The following TMEM132D variants were observed in gnomAD, a reference collection of about 807,000 sequenced individuals.
The protein encoded by TMEM132D is mature OL transmembrane protein.
Under a neutral mutation model 62.3 loss-of-function variants are expected in TMEM132D, and 21 were observed. The observed-to-expected ratio is 0.34, with a 90% CI of 0.24 to 0.49. The LOEUF (loss-of-function observed/expected upper bound fraction) is 0.49. Among genes scored for constraint, TMEM132D ranks in the 20% least tolerant of loss-of-function variants. The pLI is 0.99. For synonymous variants in TMEM132D, 621 were observed against 575.6 expected, an observed-to-expected ratio of 1.08 and a Z score of -1.13; for missense variants, 1,346 against 1,402.8, an observed-to-expected ratio of 0.96 and a Z score of 0.65.
chr12:129,460,602 G>A (rs183833283), intron 3 of TMEM132D, among the ~76,000 whole-genome samples: 16 of 152,258 alleles, frequency 1.1e-4, no homozygotes, highest in Admixed American at 4.6e-4. Flanking sequence ...GTATATAAAT[G>A]AGTTCTAACT....
chr12:129,088,449 C>T lies in TMEM132D; in HGVS notation c.1444-3747G>A, dbSNP rs1318419185. 4.7e-5 allele frequency among the ~76,000 whole-genome samples: 2 copies of T among 42,502 alleles called. 1 individual carries two copies. The highest frequency in any genetic ancestry group is 7.8e-5 in the Non-Finnish European group (2 of 25,750). 27.9% of individuals were successfully genotyped at this position (42,502 alleles called of 152,430 possible). A position where few individuals can be genotyped will look rare whatever the true frequency, so the allele number is the denominator to read the frequency against. On this transcript the variant is annotated intron_variant, in intron 5 of 8. Transcript: ENST00000422113. The stretch of plus-strand genomic sequence containing the variant: ...TCTATGACCGGGTGTCCTCCATGAC[C>T]GGGTGTCCTCCATGACCGGGGTGTC...
chr12:129,525,227 T>G (rs73155243), intron 3 of TMEM132D, among the ~76,000 whole-genome samples: 18,714 of 36,834 alleles, frequency 0.51, 4,326 homozygotes, highest in African/African-American at 0.6. Flanking sequence ...GCCCAGCCGG[T>G]TTTTTTTTTT....
At position 129,738,467 on chromosome 12, in the gene TMEM132D, T is replaced by C. The variant is rs139995162; in HGVS notation, c.80-37769A>G. 5.9e-5 allele frequency among the ~76,000 whole-genome samples: 9 copies of C among 152,266 alleles called. No homozygotes were observed. The East Asian group carries it at 1.7e-3, about 29-fold the overall frequency. On this transcript the variant is annotated intron_variant, in intron 1 of 8. Coordinates refer to ENST00000422113, the MANE Select transcript of TMEM132D (RefSeq NM_133448.3). ...GGCTGGTTGTGTGAATGCAACAACA[T>C]ACAGCAAGTCTTTGATGTGTAGCCT... is the stretch of plus-strand genomic sequence containing the variant.
At position 129,539,328 on chromosome 12, in the gene TMEM132D, C is replaced by A. The variant is rs147856337; in HGVS notation, c.969-8123G>T. The stretch of plus-strand genomic sequence containing the variant: ...CTCACTGCAACCTCTGCATCCCAGG[C>A]TCCAGTGATCCTCCCAGCTCAGCTT... On this transcript the variant is annotated intron_variant, in intron 2 of 8. Transcript: ENST00000422113. Among the ~76,000 whole-genome samples, 12 of 151,300 alleles carry A rather than the reference C, an allele frequency of 7.9e-5. 1 individual carries two copies. The highest frequency in any genetic ancestry group is 2.9e-4 in the African/African-American group (12 of 41,122).
At chr12:129,577,005 T>C (rs921595180) in intron 2 of TMEM132D, among the ~76,000 whole-genome samples, 2 of 151,888 alleles carry the variant, frequency 1.3e-5, no homozygotes, top group African/African-American at 4.9e-5. Context: ...TCCCAAGCAG[T>C]TCACCTTTCT....
At chr12:129,696,729 G>T (rs1439074165) in intron 2 of TMEM132D, among the ~76,000 whole-genome samples, 2 of 152,180 alleles carry the variant, frequency 1.3e-5, no homozygotes, top group African/African-American at 4.8e-5. Flanking sequence ...GTGGGGGAGG[G>T]ACACAGGAGA....
intron 1 of TMEM132D, among the ~76,000 whole-genome samples, chr12:129,784,086 T>C (rs543073812): frequency 4.3e-4 from 66 of 152,312 alleles, no homozygotes; most frequent in African/African-American, 1.6e-3. Flanking sequence ...ATTTTCAAGT[T>C]TAGGGTGACA....
chr12:129,710,467 T>G (rs1299083041), intron 1 of TMEM132D, among the ~76,000 whole-genome samples: 1 of 152,050 alleles, frequency 6.6e-6, no homozygotes, highest in Non-Finnish European at 1.5e-5. Context: ...GGCTAATTTT[T>G]TGTATTTTTA....
At chr12:129,794,128 A>G (rs1871486178) in intron 1 of TMEM132D, among the ~76,000 whole-genome samples, 1 of 147,610 alleles carries the variant, frequency 6.8e-6, no homozygotes, top group African/African-American at 2.5e-5. Flanking sequence ...TTGCTCTGTC[A>G]CCCAGGCTGG....
intron 2 of TMEM132D, among the ~76,000 whole-genome samples, chr12:129,689,700 A>G (rs755245988): frequency 2.0e-5 from 3 of 152,310 alleles, no homozygotes; most frequent in African/African-American, 7.2e-5. Flanking sequence ...CATGAGCCAT[A>G]CCAATACCCT....
rs1307402567 is a variant in TMEM132D, at chr12:129,867,754, C to T, written c.79+35507G>A. ...ATAGATACAATTTTTGTCAATTTTA[C>T]CTCAATAAAGCTTAAAAGCTAAAAT... On this transcript the variant is annotated intron_variant, in intron 1 of 8. Coordinates refer to ENST00000422113, the MANE Select transcript of TMEM132D (RefSeq NM_133448.3). The surrounding 1 kb of genome is among the most constrained non-coding windows in gnomAD (Gnocchi z 4.5). Among the ~76,000 whole-genome samples the T allele has an allele frequency of 2.6e-5, 4 of 152,108 alleles. No homozygotes were observed. Among genetic ancestry groups the T allele is most frequent in the African/African-American group, 9.7e-5 (4 of 41,424 alleles).
intron 4 of TMEM132D, among the ~76,000 whole-genome samples, chr12:129,246,454 G>T (rs1880115978): frequency 1.3e-5 from 2 of 152,140 alleles, no homozygotes; most frequent in African/African-American, 4.8e-5. Flanking sequence ...ACAGGTCACA[G>T]ATGAAAGTGT....
intron 1 of TMEM132D, among the ~76,000 whole-genome samples, chr12:129,825,614 G>T (rs1872643197): frequency 1.3e-5 from 2 of 152,042 alleles, no homozygotes; most frequent in African/African-American, 4.8e-5. Context: ...GCTGCATCTG[G>T]AGCCACTGTG....
At chr12:129,514,772 C>A (rs924750056) in intron 3 of TMEM132D, among the ~76,000 whole-genome samples, 1 of 152,156 alleles carries the variant, frequency 6.6e-6, no homozygotes, top group Admixed American at 6.5e-5. Flanking sequence ...CTTTTATGAT[C>A]CATTCTCTTG....
chr12:129,084,207 C>T (rs1474395517), intron 6 of TMEM132D, among the ~76,000 whole-genome samples: 1 of 152,096 alleles, frequency 6.6e-6, no homozygotes, highest in African/African-American at 2.4e-5. Context: ...ATAAGGGAGG[C>T]CACAAAATCC....
chr12:129,496,521 T>C (rs184228527), intron 3 of TMEM132D, among the ~76,000 whole-genome samples: 9 of 152,184 alleles, frequency 5.9e-5, no homozygotes, highest in African/African-American at 2.2e-4. Flanking sequence ...GACTCAGGCA[T>C]GAATAATGAT....
At chr12:129,369,830 A>G (rs1240191804) in intron 3 of TMEM132D, among the ~76,000 whole-genome samples, 3 of 152,270 alleles carry the variant, frequency 2.0e-5, no homozygotes, top group Non-Finnish European at 4.4e-5. Flanking sequence ...GATTAAAGCC[A>G]GGTGAGATCA....
intron 2 of TMEM132D, among the ~76,000 whole-genome samples, chr12:129,699,412 G>C (rs781177377): frequency 6.6e-6 from 1 of 152,174 alleles, no homozygotes; most frequent in Non-Finnish European, 1.5e-5. Context: ...CGTGTTCCCT[G>C]TCCTTTCTGA....
chr12:129,379,288 G>T (rs955512948), intron 3 of TMEM132D, among the ~76,000 whole-genome samples: 1 of 152,084 alleles, frequency 6.6e-6, no homozygotes, highest in Non-Finnish European at 1.5e-5. Flanking sequence ...GAAGGAAAGA[G>T]ACTGCACAGT....
Sources: gnomAD v4.1 joint callset for allele counts (sites outside exome capture counted in the v4.1 genomes callset) on GRCh38, gnomAD v4.1.1 for gene constraint, Gnocchi (gnomAD v3.1) non-coding constraint, MANE v1.5 for transcripts, NCBI Gene and HGNC (gene_info 2026-07-23, HGNC 2026-07-21) for gene names.